PDE4D: variants seen among roughly 807,000 people sequenced by gnomAD.
PDE4D encodes the protein phosphodiesterase 4D.
In PDE4D, 24 loss-of-function variants were observed where a neutral mutation model predicts 87.4. The ratio of observed to expected loss-of-function variants is 0.27; its 90% CI spans 0.20 to 0.39. PDE4D has a LOEUF of 0.39. PDE4D is among the 10% of genes least tolerant of loss of function. The pLI, the probability that PDE4D is intolerant of heterozygous loss-of-function variation, is 1.00. For missense variants in PDE4D, 714 were observed against 1,041.0 expected, an observed-to-expected ratio of 0.69 and a Z score of 4.32; for synonymous variants, 384 against 383.2, an observed-to-expected ratio of 1.00 and a Z score of -0.02.
intron 2 of PDE4D, among the ~76,000 whole-genome samples, chr5:59,993,085 T>C (rs1287310455): frequency 2.0e-5 from 3 of 152,162 alleles, no homozygotes; most frequent in Non-Finnish European, 4.4e-5. Context: ...ATTTCTAATG[T>C]CTCCAAGTCA....
intron 2 of PDE4D, among the ~76,000 whole-genome samples, chr5:60,048,709 C>T (rs1251444556): frequency 5.3e-5 from 8 of 152,104 alleles, no homozygotes; most frequent in African/African-American, 1.9e-4. Context: ...TCTCTTCTGG[C>T]TTGTAGAGTT....
At chr5:59,499,034 A>G (rs963398637) in intron 1 of PDE4D, among the ~76,000 whole-genome samples, 5 of 152,096 alleles carry the variant, frequency 3.3e-5, no homozygotes, top group Non-Finnish European at 7.4e-5. Flanking sequence ...AGCAAGTCTT[A>G]ATACATTTCA....
At chr5:59,194,464 A>G (rs1452786993) in intron 2 of PDE4D, among the ~76,000 whole-genome samples, 1 of 152,200 alleles carries the variant, frequency 6.6e-6, no homozygotes, top group Non-Finnish European at 1.5e-5. Flanking sequence ...GAGTGACCCA[A>G]AACAACACCC....
chr5:59,768,226 C>T, intron 1 of PDE4D: 9 of 1,594,288 alleles, frequency 5.6e-6, no homozygotes, highest in Non-Finnish European at 6.8e-6. Flanking sequence ...ACCATTTCTG[C>T]GAGGTCTGCG....
intron 1 of PDE4D, among the ~76,000 whole-genome samples, chr5:59,371,638 C>A (rs1783958324): frequency 6.6e-6 from 1 of 152,068 alleles, no homozygotes; most frequent in African/African-American, 2.4e-5. Flanking sequence ...TGGAAGTGAA[C>A]CTACTATAGA....
chr5:59,131,600 ACACACACACACACACAC>A (rs1423742753), intron 5 of PDE4D, among the ~76,000 whole-genome samples: 1 of 24,232 alleles, frequency 4.1e-5, no homozygotes, highest in African/African-American at 1.3e-4. Context: ...AATTTAAAAC[ACACACACACACACACAC>A]ACACACACAC....
intron 6 of PDE4D, among the ~76,000 whole-genome samples, chr5:59,032,958 T>C (rs916271908): frequency 1.3e-5 from 2 of 152,232 alleles, no homozygotes; most frequent in Admixed American, 1.3e-4. Flanking sequence ...GTTTGCCTAA[T>C]GAAAAACATT....
chr5:60,086,784 A>G (rs775469841), intron 2 of PDE4D, among the ~76,000 whole-genome samples: 2 of 152,242 alleles, frequency 1.3e-5, no homozygotes, highest in Non-Finnish European at 2.9e-5. Flanking sequence ...ACCATTGGGT[A>G]TCCCAGAGGG....
intron 1 of PDE4D, among the ~76,000 whole-genome samples, chr5:60,383,103 T>C (rs558650658): frequency 9.5e-4 from 144 of 152,330 alleles, no homozygotes; most frequent in African/African-American, 3.4e-3. Context: ...ATAATTATCA[T>C]TTTATTTACA....
chr5:60,480,046 G>A (rs1338530881), intron 1 of PDE4D, among the ~76,000 whole-genome samples: 2 of 152,200 alleles, frequency 1.3e-5, no homozygotes, highest in Non-Finnish European at 2.9e-5. Context: ...TGATGCAGTA[G>A]AGCAGTCTGG....
chr5:59,005,656 C>T (rs1751458292), intron 6 of PDE4D, among the ~76,000 whole-genome samples: 1 of 152,208 alleles, frequency 6.6e-6, no homozygotes, highest in Admixed American at 6.5e-5. Flanking sequence ...ACAACATTTA[C>T]TAGGCACCTA....
chr5:60,481,476 C>G (rs1748728367), intron 1 of PDE4D, among the ~76,000 whole-genome samples: 1 of 152,062 alleles, frequency 6.6e-6, no homozygotes, highest in Non-Finnish European at 1.5e-5. Context: ...GTTAGATGCA[C>G]CATTTGCTCA....
At chr5:59,929,167 T>C (rs1375484880) in intron 3 of PDE4D, among the ~76,000 whole-genome samples, 1 of 152,140 alleles carries the variant, frequency 6.6e-6, no homozygotes, top group Non-Finnish European at 1.5e-5. Flanking sequence ...CAGGTGAAGA[T>C]GAATTTCCTT....
At chr5:60,000,459 A>G (rs1490718490) in intron 2 of PDE4D, among the ~76,000 whole-genome samples, 2 of 152,198 alleles carry the variant, frequency 1.3e-5, no homozygotes, top group Non-Finnish European at 2.9e-5. Flanking sequence ...AAGTCTGTCA[A>G]CCAAGCATAC....
chr5:59,699,577 GA>G (rs1752272491), intron 1 of PDE4D, among the ~76,000 whole-genome samples: 1 of 152,116 alleles, frequency 6.6e-6, no homozygotes, highest in South Asian at 2.1e-4. Context: ...GAGTGTCCAA[GA>G]AGTGGTAGCT....
At chr5:59,064,476 C>T (rs568567487) in intron 5 of PDE4D, among the ~76,000 whole-genome samples, 1 of 152,160 alleles carries the variant, frequency 6.6e-6, no homozygotes, top group Admixed American at 6.6e-5. Context: ...TGATGCTGGT[C>T]CTGCCAAAGT....
At chr5:60,207,103 T>C (rs1454287373) in intron 1 of PDE4D, among the ~76,000 whole-genome samples, 1 of 152,108 alleles carries the variant, frequency 6.6e-6, no homozygotes, top group Non-Finnish European at 1.5e-5. Flanking sequence ...AGAATGACAT[T>C]CATGCCTGAA....
intron 1 of PDE4D, among the ~76,000 whole-genome samples, chr5:59,339,350 A>C (rs919206931): frequency 6.6e-5 from 10 of 152,242 alleles, no homozygotes; most frequent in Non-Finnish European, 1.5e-4. Flanking sequence ...GAGATGATAG[A>C]AGGCAATTTA....
intron 6 of PDE4D, among the ~76,000 whole-genome samples, chr5:59,035,564 C>A (rs1025946291): frequency 9.2e-5 from 14 of 152,088 alleles, no homozygotes; most frequent in Non-Finnish European, 1.5e-4. Flanking sequence ...AGATACAGTG[C>A]CTACTATTGT....
Sources: allele counts gnomAD v4.1 joint callset (sites outside exome capture counted in the v4.1 genomes callset), GRCh38; gene constraint gnomAD v4.1.1; transcripts MANE v1.5; gene names NCBI Gene and HGNC (gene_info 2026-07-23, HGNC 2026-07-21).